Variants in SCN1A observed in about 807,000 individuals in gnomAD.
The protein encoded by SCN1A is sodium channel protein type 1 subunit alpha.
A neutral mutation model predicts 193.7 loss-of-function variants in SCN1A; 13 were observed. The ratio of observed to expected loss-of-function variants is 0.07; its 90% CI spans 0.04 to 0.11. SCN1A has a LOEUF of 0.11. Among genes scored for constraint, SCN1A ranks in the 10% least tolerant of loss-of-function variants. The pLI is 1.00. For synonymous variants in SCN1A, 781 were observed against 843.6 expected (o/e 0.93, Z 1.29); for missense variants, 1,432 against 2,451.1 (o/e 0.58, Z 8.78).
intron 4 of SCN1A, among the ~76,000 whole-genome samples, chr2:166,062,395 A>G (rs1683402554): frequency 6.6e-6 from 1 of 152,076 alleles, no homozygotes; most frequent in Non-Finnish European, 1.5e-5. Context: ...ATGTTTGTTT[A>G]TTTCCTCAAC....
At chr2:166,127,580 G>A (rs1691387685) in intron 1 of SCN1A, among the ~76,000 whole-genome samples, 191 bp downstream of exon 1, 1 of 151,658 alleles carries the variant, frequency 6.6e-6, no homozygotes, top group African/African-American at 2.4e-5. Context: ...GTTCATGGAA[G>A]GTTGAGAGAG....
At chr2:166,108,298 A>C (rs529488437) in intron 2 of SCN1A, among the ~76,000 whole-genome samples, 3 of 152,206 alleles carry the variant, frequency 2.0e-5, no homozygotes, top group African/African-American at 7.2e-5. Flanking sequence ...AATAAAAAAA[A>C]CAGATAATCA....
At chr2:166,016,626 C>A (rs1245451995) in intron 19 of SCN1A, 1 of 151,950 alleles carries the variant, frequency 6.6e-6, no homozygotes, top group African/African-American at 2.4e-5. Context: ...TTCTGAAGAC[C>A]AGCAAACTGG....
Position 165,990,933 on chromosome 2 carries a change from AAC to A in SCN1A, c.*310_*311del, listed in dbSNP as rs1300397462. The A allele has an allele frequency of 5.4e-5, 17 of 315,012 alleles. No homozygotes were observed. In the East Asian group the frequency reaches 7.0e-4, roughly 13 times the overall value. 19.5% of individuals were successfully genotyped at this position (315,012 alleles called of 1,614,324 possible). A position where few individuals can be genotyped will look rare whatever the true frequency, so the allele number is the denominator to read the frequency against. On this transcript the variant is annotated 3_prime_UTR_variant, in exon 29 of 29. Transcript: ENST00000674923. ...TACACTAAAGTGTTTCATGTTAAAC[AAC>A]CCCAAAATCACAGGTTTGCACCCCT...
intron 22 of SCN1A, among the ~76,000 whole-genome samples, chr2:166,011,528 C>CCTA (rs1039406119): frequency 2.0e-5 from 3 of 151,090 alleles, no homozygotes; most frequent in African/African-American, 7.3e-5. Context: ...CTTCTCTTTC[C>CCTA]CTACACTCTA....
chr2:166,016,486 T>C (rs996797129), intron 19 of SCN1A: 11 of 151,984 alleles, frequency 7.2e-5, no homozygotes, highest in African/African-American at 2.4e-4. Flanking sequence ...ACAATAACAA[T>C]ATCCTTCATA....
At chr2:166,142,518 A>G (rs1432561395) in intron 1 of SCN1A, among the ~76,000 whole-genome samples, 1 of 152,196 alleles carries the variant, frequency 6.6e-6, no homozygotes. Context: ...TGCTTTTACT[A>G]GAAGCTGTAC....
At chr2:166,039,102 A>G (rs566962873) in intron 17 of SCN1A, among the ~76,000 whole-genome samples, 3 of 152,338 alleles carry the variant, frequency 2.0e-5, no homozygotes, top group African/African-American at 4.8e-5. Context: ...TCAAGTTACT[A>G]TTAAAAGGTG....
chr2:166,098,566 T>C (rs990101648), intron 2 of SCN1A, among the ~76,000 whole-genome samples: 7 of 152,112 alleles, frequency 4.6e-5, no homozygotes, highest in African/African-American at 1.7e-4. Context: ...AGTCAAACTA[T>C]CTCTCTTTGA....
intron 1 of SCN1A, among the ~76,000 whole-genome samples, chr2:166,136,903 T>G (rs963974230): frequency 6.6e-6 from 1 of 152,216 alleles, no homozygotes; most frequent in African/African-American, 2.4e-5. Context: ...TCTCCAATTT[T>G]CTGCTAATGC....
chr2:165,984,765 A>C (rs1688498659), downstream of SCN1A: 1 of 152,116 alleles, frequency 6.6e-6, no homozygotes, highest in Admixed American at 6.5e-5. Context: ...ATTTATGATA[A>C]CCAGAGACAG....
rs1027685698 is a variant in SCN1A, at chr2:165,988,154, C to T, written c.*3091G>A. 3.9e-5 allele frequency: 6 copies of T among 152,032 alleles called. No individual in the cohort carries two copies. Among genetic ancestry groups the T allele is most frequent in the African/African-American group, 1.4e-4 (6 of 41,418 alleles). The allele number at this position is 152,032 out of a possible 1,614,324, so 9.4% of individuals were successfully genotyped here. On this transcript the variant is annotated 3_prime_UTR_variant, in exon 29 of 29. Coordinates refer to ENST00000674923, the MANE Select transcript of SCN1A (RefSeq NM_001165963.4). ...TGTTAATTTTACTATCTGGACCACC[C>T]GAGTAACCTTTCCATGATATCTGTG... is the stretch of plus-strand genomic sequence containing the variant.
intron 4 of SCN1A, among the ~76,000 whole-genome samples, chr2:166,065,857 A>G (rs1026470090): frequency 6.6e-6 from 1 of 152,162 alleles, no homozygotes; most frequent in African/African-American, 2.4e-5. Context: ...GAATCCTTAG[A>G]TGTATAATTT....
At chr2:166,048,648 G>A (rs1698138580) in intron 10 of SCN1A, among the ~76,000 whole-genome samples, 2 of 152,008 alleles carry the variant, frequency 1.3e-5, no homozygotes, top group African/African-American at 2.4e-5. Context: ...ATTGTGAATA[G>A]TGCTGCAATG....
chr2:165,984,820 A>G (rs1048369451), downstream of SCN1A: 71 of 152,242 alleles, frequency 4.7e-4, no homozygotes, highest in African/African-American at 1.7e-3. Flanking sequence ...CTCGGTTCCT[A>G]TGTCTACCTT....
intron 2 of SCN1A, chr2:166,126,420 A>T (rs980363425): frequency 1.3e-5 from 2 of 152,206 alleles, no homozygotes; most frequent in Non-Finnish European, 2.9e-5. Context: ...TGCCCCGCGA[A>T]CGTGCAGAAG....
intron 23 of SCN1A, among the ~76,000 whole-genome samples, chr2:166,005,108 G>A (rs990859057): frequency 1.3e-5 from 2 of 151,338 alleles, no homozygotes; most frequent in Non-Finnish European, 3.0e-5. Flanking sequence ...CTCTGTACTA[G>A]AGTTCAGTGT....
intron 25 of SCN1A, 136 bp from the exon 26 acceptor site, chr2:165,998,311 C>A: frequency 1.6e-6 from 1 of 640,118 alleles, no homozygotes; most frequent in South Asian, 2.3e-5. Flanking sequence ...AATCAACTAC[C>A]TCTAAAAAAC....
At chr2:166,075,296 C>A (rs1286438297) in intron 3 of SCN1A, 3 of 151,936 alleles carry the variant, frequency 2.0e-5, no homozygotes, top group Admixed American at 6.6e-5. Flanking sequence ...AGGCCCAGTT[C>A]CCCTTCCTAG....
Sources: allele counts gnomAD v4.1 joint callset (sites outside exome capture counted in the v4.1 genomes callset), GRCh38; gene constraint gnomAD v4.1.1; transcripts MANE v1.5; gene names NCBI Gene and HGNC (gene_info 2026-07-23, HGNC 2026-07-21).